The following MYCBP2 variants were observed in gnomAD, a reference collection of about 807,000 sequenced individuals.
The protein encoded by MYCBP2 is E3 ubiquitin-protein ligase MYCBP2.
In MYCBP2, 120 loss-of-function variants were observed where a neutral mutation model predicts 525.3. The ratio of observed to expected loss-of-function variants is 0.23; its 90% CI spans 0.20 to 0.27. MYCBP2 has a LOEUF of 0.27. MYCBP2 is among the 10% of genes least tolerant of loss of function. The probability of loss-of-function intolerance (pLI) is 1.00; values close to 1 mark genes in which losing one functional copy is unlikely to be tolerated. For missense variants in MYCBP2, 4,149 were observed against 5,657.1 expected (o/e 0.73, Z 8.55); for synonymous variants, 1,894 against 1,955.8 (o/e 0.97, Z 0.83).
intron 2 of MYCBP2, among the ~76,000 whole-genome samples, chr13:77,295,720 T>C (rs1428400329): frequency 6.6e-6 from 1 of 152,226 alleles, no homozygotes; most frequent in Non-Finnish European, 1.5e-5. Context: ...AAAGAGACTG[T>C]TATATCAAGT....
chr13:77,244,016 T>A, intron 15 of MYCBP2, 65 bp from the exon 16 acceptor site: 1 of 1,422,340 alleles, frequency 7.0e-7, no homozygotes. Context: ...TCTTTAAAAC[T>A]CTTTTCTATA....
intron 44 of MYCBP2, among the ~76,000 whole-genome samples, chr13:77,158,336 G>C (rs1439524219): frequency 6.6e-6 from 1 of 152,140 alleles, no homozygotes; most frequent in Non-Finnish European, 1.5e-5. Flanking sequence ...TGCCTTGTCA[G>C]AGATCTGCAT....
chr13:77,122,924 G>C (rs2051007661), intron 54 of MYCBP2, among the ~76,000 whole-genome samples: 1 of 152,094 alleles, frequency 6.6e-6, no homozygotes, highest in Non-Finnish European at 1.5e-5. Context: ...TGTTTCTTCA[G>C]AAAAACACCC....
intron 3 of MYCBP2, among the ~76,000 whole-genome samples, chr13:77,284,958 C>A (rs768622781): frequency 5.3e-5 from 8 of 152,140 alleles, no homozygotes; most frequent in Non-Finnish European, 1.0e-4. Context: ...GCTCCATAAC[C>A]CATGCTAACC....
chr13:77,052,031 C>G (rs527997234), intron 80 of MYCBP2, 113 bp from the exon 81 acceptor site: 5 of 750,936 alleles, frequency 6.7e-6, no homozygotes, highest in Non-Finnish European at 1.1e-5. Flanking sequence ...ATACCATTAT[C>G]TACTAGACCA....
chr13:77,179,785 G>C (rs2060042375), intron 34 of MYCBP2, among the ~76,000 whole-genome samples: 1 of 152,164 alleles, frequency 6.6e-6, no homozygotes, highest in Non-Finnish European at 1.5e-5. Context: ...ACTATGAGTA[G>C]GGCCTGACTT....
chr13:77,194,044 T>C (rs965779305), intron 27 of MYCBP2, 109 bp downstream of exon 27: 8 of 586,584 alleles, frequency 1.4e-5, no homozygotes, highest in African/African-American at 1.1e-4. Context: ...AAGTATTTGA[T>C]ATTCATAGCA....
chr13:77,095,014 A>C (rs1594479877), intron 58 of MYCBP2, among the ~76,000 whole-genome samples: 1 of 152,154 alleles, frequency 6.6e-6, no homozygotes, highest in South Asian at 2.1e-4. Flanking sequence ...TTACGAAATA[A>C]AAGACTGCTA....
rs546373396 is a variant in MYCBP2 at position 77,281,629 on chromosome 13, G to A, written c.595-2718C>T. On this transcript the variant is annotated intron_variant, in intron 3 of 82. Transcript: ENST00000544440. ...TATTTGAAAGATAAAGAAACATGAA[G>A]CCCAAATAATTACCTGATACAGCCA... is the stretch of plus-strand genomic sequence containing the variant. Among the ~76,000 whole-genome samples, 365 of 152,138 alleles carry A rather than the reference G, an allele frequency of 2.4e-3. 4 individuals carry two copies. Among genetic ancestry groups the A allele is most frequent in the African/African-American group, 8.5e-3 (355 of 41,526 alleles).
At chr13:77,154,532 T>C (rs545928788) in intron 46 of MYCBP2, among the ~76,000 whole-genome samples, 36 of 151,586 alleles carry the variant, frequency 2.4e-4, no homozygotes, top group Non-Finnish European at 3.5e-4. Context: ...TCAAAAGAGA[T>C]AATAAAAGGT....
chr13:77,108,071 T>C (rs1411628035), intron 55 of MYCBP2, among the ~76,000 whole-genome samples: 1 of 152,152 alleles, frequency 6.6e-6, no homozygotes, highest in Non-Finnish European at 1.5e-5. Context: ...ATCATGCTAA[T>C]AGAATGAAAG....
intron 16 of MYCBP2, among the ~76,000 whole-genome samples, chr13:77,243,544 C>T (rs565854970): frequency 6.0e-5 from 9 of 150,328 alleles, no homozygotes; most frequent in East Asian, 2.0e-4. Context: ...ACCTAGAAGG[C>T]GGAGGTTGCA....
chr13:77,141,828 A>G (rs2054687301), intron 49 of MYCBP2, among the ~76,000 whole-genome samples: 1 of 152,008 alleles, frequency 6.6e-6, no homozygotes, highest in African/African-American at 2.4e-5. Flanking sequence ...TAAATGCACA[A>G]TAAATGCTAG....
In MYCBP2 at chr13:77,125,766, A is replaced by C. The variant is rs114573489; in HGVS notation, c.7885-298T>G. ...ACATGGCTCATTTTCTTTTTTCTGC[A>C]TCTAAAATGTCCTAACACAGCCGAC... On this transcript the variant is annotated intron_variant, in intron 53 of 82. Coordinates refer to ENST00000544440, the MANE Select transcript of MYCBP2 (RefSeq NM_015057.5). 9.3e-3 allele frequency among the ~76,000 whole-genome samples: 1,410 copies of C among 152,294 alleles called. 22 individuals carry two copies. Among genetic ancestry groups the C allele is most frequent in the African/African-American group, 0.032 (1,316 of 41,556 alleles).
chr13:77,118,347 CTGAG>C, intron 55 of MYCBP2: 1 of 759,078 alleles, frequency 1.3e-6, no homozygotes, highest in African/African-American at 1.7e-5. Context: ...TACTCTGAAG[CTGAG>C]GCTGCTGGAA....
chr13:77,054,593 T>C (rs1218038436), intron 80 of MYCBP2, among the ~76,000 whole-genome samples: 1 of 151,470 alleles, frequency 6.6e-6, no homozygotes, highest in Non-Finnish European at 1.5e-5. Context: ...AGATCAGAGA[T>C]TGGTAAAGTC....
At chr13:77,216,994 C>T (rs1377896020) in intron 21 of MYCBP2, among the ~76,000 whole-genome samples, 1 of 152,168 alleles carries the variant, frequency 6.6e-6, no homozygotes, top group African/African-American at 2.4e-5. Flanking sequence ...AGAAAGAGAA[C>T]AGCCACATGT....
rs895893379 is a variant in MYCBP2 at position 77,159,552 on chromosome 13, T to C, written c.6598-1443A>G. Among the ~76,000 whole-genome samples, 147 of 152,296 alleles carry C rather than the reference T, an allele frequency of 9.7e-4. 1 individual carries two copies. Among genetic ancestry groups the C allele is most frequent in the Non-Finnish European group, 3.1e-4 (21 of 68,024 alleles). On this transcript the variant is annotated intron_variant, in intron 44 of 82. Transcript: ENST00000544440. ...AACTCGAATTATAAATCTCCACATG[T>C]TGGGGGAGTGACCTGGCGGGAGGTG... is the stretch of plus-strand genomic sequence containing the variant.
Position 77,169,651 on chromosome 13 carries a change from A to G in MYCBP2, c.5858T>C (p.Ile1953Thr), listed in dbSNP as rs766157350. ...AGCAGCTACTGGTCCTATGTAGGCTATAATAAGGGGGAGCAGCATGGAAAA... is the reference window on the plus strand; with the variant it reads ...AGCAGCTACTGGTCCTATGTAGGCTGTAATAAGGGGGAGCAGCATGGAAAA... ...SLFSMLLPLI[I>T]AYIGPVAAAI... is the part of the protein sequence containing the mutation. Residue 1953 changes from isoleucine (I) to threonine (T), a missense_variant, in exon 39 of 83, where the codon ATA (isoleucine) becomes ACA (threonine). Around this residue, in one of 21 missense-constraint regions of MYCBP2, gnomAD observed 692 missense variants for 852.7 expected, o/e 0.81. Transcript: ENST00000544440. 189 of 1,613,932 alleles carry G rather than the reference A, an allele frequency of 1.2e-4. No homozygotes were observed. The highest frequency in any genetic ancestry group is 1.5e-4 in the Non-Finnish European group (181 of 1,179,964).
Sources: gnomAD v4.1 joint callset for allele counts (sites outside exome capture counted in the v4.1 genomes callset) on GRCh38, gnomAD v4.1.1 for gene constraint, gnomAD v4.1.1 regional missense constraint, MANE v1.5 for transcripts, NCBI Gene and HGNC (gene_info 2026-07-23, HGNC 2026-07-21) for gene names.